The following TMTC2 variants were observed in gnomAD, a reference collection of about 807,000 sequenced individuals.
The protein encoded by TMTC2 is transmembrane O-mannosyltransferase targeting cadherins 2.
A neutral mutation model predicts 82.4 loss-of-function variants in TMTC2; 43 were observed. The observed-to-expected ratio is 0.52, with a 90% CI of 0.41 to 0.67. TMTC2 has a LOEUF of 0.67. Ranked by LOEUF, TMTC2 falls within the 30% of genes least tolerant of loss-of-function variation. The pLI is 0.00. For missense variants in TMTC2, 919 were observed against 1,012.4 expected, an observed-to-expected ratio of 0.91 and a Z score of 1.25; for synonymous variants, 408 against 381.9, an observed-to-expected ratio of 1.07 and a Z score of -0.80.
intron 1 of TMTC2, among the ~76,000 whole-genome samples, chr12:82,771,013 T>A (rs919817134): frequency 6.6e-6 from 1 of 151,876 alleles, no homozygotes; most frequent in African/African-American, 2.4e-5. Flanking sequence ...TTGAGACCAG[T>A]CTCACCAACA....
chr12:82,826,789 T>G (rs1045384705), intron 1 of TMTC2, among the ~76,000 whole-genome samples: 1 of 152,176 alleles, frequency 6.6e-6, no homozygotes, highest in Non-Finnish European at 1.5e-5. Flanking sequence ...GATTGGAATG[T>G]CCTATTGGTA....
intron 8 of TMTC2, 100 bp from the exon 9 acceptor site, chr12:83,030,698 A>G (rs149151701): frequency 1.2e-5 from 11 of 912,406 alleles, no homozygotes; most frequent in Middle Eastern, 4.5e-4. Flanking sequence ...CTTTCCTATG[A>G]TGATTACCAA....
intron 11 of TMTC2, among the ~76,000 whole-genome samples, chr12:83,072,571 T>C (rs777973689): frequency 2.0e-5 from 3 of 152,206 alleles, no homozygotes; most frequent in African/African-American, 7.2e-5. Flanking sequence ...ACTTTCTGTC[T>C]TGATGATCTG....
intron 2 of TMTC2, among the ~76,000 whole-genome samples, chr12:82,883,572 C>T (rs1274669106): frequency 6.6e-6 from 1 of 152,138 alleles, no homozygotes; most frequent in East Asian, 1.9e-4. Context: ...ATGCTGGGCT[C>T]ACATGCTTAA....
chr12:82,712,646 A>T (rs1242375903), intron 1 of TMTC2, among the ~76,000 whole-genome samples: 2 of 152,142 alleles, frequency 1.3e-5, no homozygotes, highest in East Asian at 3.9e-4. Flanking sequence ...TCTGGCTCAC[A>T]CATTCAGAAC....
At chr12:83,117,551 A>C (rs1884801716) in intron 11 of TMTC2, among the ~76,000 whole-genome samples, 1 of 152,196 alleles carries the variant, frequency 6.6e-6, no homozygotes, top group Non-Finnish European at 1.5e-5. Context: ...TATTTTGGTG[A>C]CTATGGCCTT....
chr12:82,865,656 C>T (rs150451117), intron 2 of TMTC2, among the ~76,000 whole-genome samples: 10 of 152,214 alleles, frequency 6.6e-5, no homozygotes, highest in South Asian at 2.1e-4. Context: ...CTGCACCAAG[C>T]GGACCTAATA....
intron 7 of TMTC2, among the ~76,000 whole-genome samples, chr12:82,981,870 T>A (rs2137329798): frequency 6.6e-6 from 1 of 152,026 alleles, no homozygotes; most frequent in East Asian, 1.9e-4. Context: ...GTCCTAAAAC[T>A]AAATGCACTG....
chr12:83,041,300 C>A (rs1202452645), intron 9 of TMTC2, among the ~76,000 whole-genome samples: 2 of 152,110 alleles, frequency 1.3e-5, no homozygotes, highest in African/African-American at 4.8e-5. Context: ...GGATTTGGAA[C>A]AAGGCACACC....
At chr12:82,869,082 A>C (rs1360752574) in intron 2 of TMTC2, among the ~76,000 whole-genome samples, 1 of 152,174 alleles carries the variant, frequency 6.6e-6, no homozygotes, top group Non-Finnish European at 1.5e-5. Context: ...CAGAAAATTC[A>C]ATACATAAAA....
chr12:82,760,446 TG>T (rs1311457516), intron 1 of TMTC2: 1 of 149,486 alleles, frequency 6.7e-6, no homozygotes, highest in East Asian at 2.0e-4. Flanking sequence ...TATGCTTATT[TG>T]GCTTGCACTG....
intron 3 of TMTC2, among the ~76,000 whole-genome samples, chr12:82,909,336 A>G (rs572397496): frequency 1.3e-5 from 2 of 151,790 alleles, no homozygotes; most frequent in Non-Finnish European, 2.9e-5. Flanking sequence ...GCATTCATGA[A>G]GGTTTTTGTT....
rs141848383 is a variant in TMTC2 at position 82,808,662 on chromosome 12, C to T, written c.84-48348C>T. 1.7e-3 allele frequency among the ~76,000 whole-genome samples: 259 copies of T among 152,162 alleles called. 1 individual carries two copies. The highest frequency in any genetic ancestry group is 5.9e-3 in the African/African-American group (246 of 41,552). ...GTATTGGAAGCAAAATTTGTACTTG[C>T]GTCTTTTGGTATCTATTCCAGTATT... On this transcript the variant is annotated intron_variant, in intron 1 of 11. Transcript: ENST00000321196.
At chr12:83,057,884 G>A (rs1486138337) in intron 10 of TMTC2, among the ~76,000 whole-genome samples, 1 of 151,780 alleles carries the variant, frequency 6.6e-6, no homozygotes, top group African/African-American at 2.4e-5. Context: ...AATGCCACTA[G>A]TTTTTATTAT....
At chr12:83,051,316 C>T (rs559546418) in intron 10 of TMTC2, among the ~76,000 whole-genome samples, 3 of 151,384 alleles carry the variant, frequency 2.0e-5, no homozygotes, top group African/African-American at 7.3e-5. Flanking sequence ...TTTTTAAGCT[C>T]ATCAGCTATT....
At chr12:82,735,705 G>A (rs1412632626) in intron 1 of TMTC2, among the ~76,000 whole-genome samples, 2 of 151,364 alleles carry the variant, frequency 1.3e-5, no homozygotes, top group African/African-American at 2.4e-5. Context: ...GGTGGCTCAC[G>A]CCTGTAGTCT....
chr12:83,132,233 G>A lies in TMTC2; in HGVS notation c.2355G>A (p.Leu785=). 1 of 1,612,006 alleles carries A rather than the reference G, an allele frequency of 6.2e-7. No homozygotes were observed. The highest frequency in any genetic ancestry group is 8.5e-7 in the Non-Finnish European group (1 of 1,179,218). Residue 785 remains leucine, a synonymous_variant, in exon 12 of 12, where the codon CTG becomes CTA. Coordinates refer to ENST00000321196, the MANE Select transcript of TMTC2 (RefSeq NM_152588.3). ...RPNYPAALMN[L]GAILHLNGRL... The stretch of plus-strand genomic sequence containing the variant: ...AGTATCCGGCTGCTTTGATGAACCT[G>A]GGAGCCATTCTGCACCTCAATGGCA...
At chr12:83,091,541 A>C (rs1156814090) in intron 11 of TMTC2, among the ~76,000 whole-genome samples, 4 of 152,236 alleles carry the variant, frequency 2.6e-5, no homozygotes, top group African/African-American at 9.6e-5. Flanking sequence ...GAATTTGAAT[A>C]ATGTCCATTT....
At chr12:82,856,979 A>G (rs1400524642) in intron 1 of TMTC2, 31 bp from the exon 2 acceptor site, 2 of 1,571,984 alleles carry the variant, frequency 1.3e-6, no homozygotes, top group Non-Finnish European at 1.7e-6. Flanking sequence ...TGTGTTTTAC[A>G]TTTGATTTTT....
Sources: allele counts gnomAD v4.1 joint callset (sites outside exome capture counted in the v4.1 genomes callset), GRCh38; gene constraint gnomAD v4.1.1; transcripts MANE v1.5; gene names NCBI Gene and HGNC (gene_info 2026-07-23, HGNC 2026-07-21).